The following NEBL variants were observed in gnomAD, a reference collection of about 807,000 sequenced individuals.
NEBL encodes the protein LIM and SH3 protein 2.
In NEBL, 122 loss-of-function variants were observed where a neutral mutation model predicts 140.2. The ratio of observed to expected loss-of-function variants is 0.87; its 90% CI spans 0.75 to 1.01. The LOEUF is 1.01. Ranked by LOEUF, NEBL falls within the 50% of genes least tolerant of loss-of-function variation. NEBL has a pLI of 0.00. For synonymous variants in NEBL, 436 were observed against 398.9 expected (o/e 1.09, Z -1.11); for missense variants, 1,365 against 1,231.3 (o/e 1.11, Z -1.62).
chr10:20,817,230 G>A (rs1157223241), intron 21 of NEBL, among the ~76,000 whole-genome samples: 1 of 152,130 alleles, frequency 6.6e-6, no homozygotes. Context: ...AGCCAGGTGT[G>A]GCAGCATGTG....
In NEBL at chr10:21,039,076, T is replaced by G. The variant is rs992149267; in HGVS notation, c.165-18875A>C. Among the ~76,000 whole-genome samples the G allele has an allele frequency of 5.9e-4, 87 of 147,750 alleles. 1 individual carries two copies. In the South Asian group the frequency reaches 0.015, roughly 26 times the overall value. ...GATGGGGCTGTTTTTTTTTTTTTTT[T>G]TTTTTTTTTTGTAAATTTGTTTAAG... is the stretch of plus-strand genomic sequence containing the variant. On this transcript the variant is annotated intron_variant, in intron 2 of 6. Coordinates refer to the NEBL transcript ENST00000417816.
At chr10:20,871,833 T>A (rs1844968082) in intron 5 of NEBL, among the ~76,000 whole-genome samples, 2 of 152,176 alleles carry the variant, frequency 1.3e-5, no homozygotes, top group Admixed American at 1.3e-4. Context: ...GATTTTTTTT[T>A]AAGCAGGCCA....
intron 18 of NEBL, 61 bp from the exon 19 acceptor site, chr10:20,823,361 G>C (rs1239996541): frequency 8.1e-7 from 1 of 1,237,934 alleles, no homozygotes. Flanking sequence ...AAAATATTGA[G>C]AATTCTTCAA....
At chr10:20,950,231 T>G (rs188991134) in intron 4 of NEBL, among the ~76,000 whole-genome samples, 1 of 152,220 alleles carries the variant, frequency 6.6e-6, no homozygotes, top group Admixed American at 6.5e-5. Flanking sequence ...GCGCGGCACA[T>G]AGTAAACACT....
intron 3 of NEBL, among the ~76,000 whole-genome samples, chr10:21,231,259 G>C (rs1367025053): frequency 2.6e-5 from 4 of 152,200 alleles, no homozygotes; most frequent in Admixed American, 2.0e-4. Flanking sequence ...AAAATAAAAG[G>C]CTGGGCGCAG....
chr10:21,097,181 G>T (rs888431412), intron 2 of NEBL, among the ~76,000 whole-genome samples: 1 of 148,348 alleles, frequency 6.7e-6, no homozygotes, highest in Admixed American at 6.8e-5. Context: ...GGCCAGGTGC[G>T]GTGGCTCACG....
chr10:21,082,409 AC>A, intron 2 of NEBL, among the ~76,000 whole-genome samples: 1 of 152,224 alleles, frequency 6.6e-6, no homozygotes, highest in South Asian at 2.1e-4. Context: ...AGAAATACAC[AC>A]TAAAATATTT....
chr10:21,231,012 G>T (rs72798584), intron 3 of NEBL, among the ~76,000 whole-genome samples: 1 of 152,068 alleles, frequency 6.6e-6, no homozygotes, highest in Non-Finnish European at 1.5e-5. Context: ...TATGTCTTCC[G>T]TCCAAATGAA....
At chr10:20,830,830 G>C (rs1840330837) in intron 16 of NEBL, among the ~76,000 whole-genome samples, 1 of 148,940 alleles carries the variant, frequency 6.7e-6, no homozygotes, top group Non-Finnish European at 1.5e-5. Context: ...CTTGAGCCCA[G>C]GAGTTTGAGG....
intron 3 of NEBL, among the ~76,000 whole-genome samples, chr10:21,205,253 C>A (rs887364824): frequency 6.6e-6 from 1 of 152,196 alleles, no homozygotes; most frequent in Non-Finnish European, 1.5e-5. Flanking sequence ...AAATGTGTAG[C>A]AAAAGCCTTA....
intron 3 of NEBL, among the ~76,000 whole-genome samples, chr10:21,194,835 A>G (rs1028839647): frequency 6.6e-6 from 1 of 151,898 alleles, no homozygotes; most frequent in African/African-American, 2.4e-5. Flanking sequence ...CCTGCCGCAA[A>G]AAAATACTAA....
Position 21,202,740 on chromosome 10 carries a change from CG to C in NEBL, n.349-30264del, listed in dbSNP as rs1437513063. Among the ~76,000 whole-genome samples the C allele has an allele frequency of 2.4e-3, 372 of 152,258 alleles. 1 individual carries two copies. Among genetic ancestry groups the C allele is most frequent in the African/African-American group, 8.5e-3 (355 of 41,564 alleles). On this transcript the variant is annotated intron_variant and non_coding_transcript_variant, in intron 3 of 8. Transcript: ENST00000675702. ...CCTCCCAAAGTGCTGGGATTACAGGCGTGAGCCACCACGCCCGGCCTTCCAC... is the reference window on the plus strand; with the variant it reads ...CCTCCCAAAGTGCTGGGATTACAGGCTGAGCCACCACGCCCGGCCTTCCAC...
chr10:21,033,806 G>A (rs1833898703), intron 2 of NEBL, among the ~76,000 whole-genome samples: 1 of 151,374 alleles, frequency 6.6e-6, no homozygotes, highest in Admixed American at 6.6e-5. Context: ...ATCTCACTTG[G>A]CTCTTATGAT....
chr10:21,113,430 T>C (rs530431103), intron 2 of NEBL: 29 of 418,428 alleles, frequency 6.9e-5, no homozygotes, highest in Admixed American at 5.9e-4. Flanking sequence ...TCATCAATTA[T>C]GTGAAGAGTT....
At position 20,831,587 on chromosome 10, in the gene NEBL, C is replaced by A; in HGVS notation, c.1450-4G>T. On this transcript the variant is annotated splice_polypyrimidine_tract_variant and splice_region_variant and intron_variant, in intron 14 of 27. Transcript: ENST00000377122. ...CCAGATCTCTTTTATAGTCTTTCTG[C>A]AGAAAATGAAACATACAGTTAGTGC... The A allele has an allele frequency of 1.9e-6, 3 of 1,577,968 alleles. No individual in the cohort carries two copies. Among genetic ancestry groups the A allele is most frequent in the Non-Finnish European group, 8.7e-7 (1 of 1,148,202 alleles).
chr10:20,880,040 T>A (rs1021571284), intron 5 of NEBL, among the ~76,000 whole-genome samples: 7 of 152,188 alleles, frequency 4.6e-5, no homozygotes, highest in African/African-American at 1.7e-4. Flanking sequence ...GGGTCTTAGG[T>A]TGGACCATCT....
At chr10:20,786,965 G>C (rs563668649) in intron 27 of NEBL, among the ~76,000 whole-genome samples, 54 of 152,268 alleles carry the variant, frequency 3.5e-4, no homozygotes, top group African/African-American at 1.2e-3. Flanking sequence ...TGTACTGGTA[G>C]ATTCTTTGTA....
intron 2 of NEBL, chr10:21,029,072 G>A (rs1023427230): frequency 3.3e-5 from 36 of 1,085,350 alleles, no homozygotes; most frequent in Middle Eastern, 3.0e-4. Flanking sequence ...GCTGAGGACT[G>A]GGGGACTGGT....
intron 2 of NEBL, among the ~76,000 whole-genome samples, chr10:21,087,241 T>C (rs892033837): frequency 6.6e-5 from 10 of 152,226 alleles, no homozygotes; most frequent in African/African-American, 2.4e-4. Flanking sequence ...AAATATTTGC[T>C]CACTAAATAA....
Sources: allele counts gnomAD v4.1 joint callset (sites outside exome capture counted in the v4.1 genomes callset), GRCh38; gene constraint gnomAD v4.1.1; transcripts MANE v1.5; gene names NCBI Gene and HGNC (gene_info 2026-07-23, HGNC 2026-07-21).